GRIP1: variants seen among roughly 807,000 people sequenced by gnomAD.
GRIP1 encodes the protein glutamate receptor interacting protein 1.
A neutral mutation model predicts 129.9 loss-of-function variants in GRIP1; 45 were observed. The observed-to-expected ratio is 0.35, with a 90% CI of 0.27 to 0.44. The LOEUF is 0.44. Ranked by LOEUF, GRIP1 falls within the 20% of genes least tolerant of loss-of-function variation. The pLI is 1.00. For missense variants in GRIP1, 1,196 were observed against 1,396.8 expected, an observed-to-expected ratio of 0.86 and a Z score of 2.29; for synonymous variants, 530 against 520.8, an observed-to-expected ratio of 1.02 and a Z score of -0.24.
intron 2 of GRIP1, among the ~76,000 whole-genome samples, chr12:66,559,886 A>G (rs1190859410): frequency 6.6e-6 from 1 of 152,160 alleles, no homozygotes; most frequent in East Asian, 1.9e-4. Flanking sequence ...GAAAAATAAA[A>G]CTGGATGGAT....
chr12:67,014,868 G>T (rs149633505), intron 1 of GRIP1, among the ~76,000 whole-genome samples: 161 of 152,164 alleles, frequency 1.1e-3, no homozygotes, highest in Middle Eastern at 6.8e-3. Context: ...CAGAAATTAA[G>T]AACTGAGTCA....
intron 1 of GRIP1, among the ~76,000 whole-genome samples, chr12:67,009,174 AC>A: frequency 6.6e-6 from 1 of 152,262 alleles, no homozygotes; most frequent in East Asian, 1.9e-4. Flanking sequence ...GTGTCCCCCA[AC>A]TGAATTAGCT....
At chr12:66,890,932 T>C (rs1204476144) in intron 1 of GRIP1, among the ~76,000 whole-genome samples, 1 of 152,210 alleles carries the variant, frequency 6.6e-6, no homozygotes. Flanking sequence ...GAGGTCTTCC[T>C]CAGAGACTTA....
intron 11 of GRIP1, among the ~76,000 whole-genome samples, chr12:66,448,255 C>A (rs984869413): frequency 6.6e-6 from 1 of 152,038 alleles, no homozygotes; most frequent in East Asian, 1.9e-4. Context: ...ACAGGACCAT[C>A]ATTTTTATTG....
At position 66,785,940 on chromosome 12, in the gene GRIP1, G is replaced by A. The variant is rs533470041; in HGVS notation, c.-420+18113C>T. ...CTACAAAAAAATTTAAAAATTAGCC[G>A]GGCATGGTGGCATGCACCAATAGTC... On this transcript the variant is annotated intron_variant, in intron 1 of 4. Coordinates refer to the GRIP1 transcript ENST00000538373. 4.1e-4 allele frequency among the ~76,000 whole-genome samples: 63 copies of A among 151,984 alleles called. 1 individual carries two copies. The highest frequency in any genetic ancestry group is 1.4e-3 in the African/African-American group (60 of 41,484).
intron 1 of GRIP1, among the ~76,000 whole-genome samples, chr12:66,642,996 G>T (rs923453617): frequency 3.3e-5 from 5 of 152,032 alleles, no homozygotes; most frequent in Admixed American, 1.3e-4. Context: ...ATTTAAATAC[G>T]CAAAACAAAG....
Position 66,414,165 on chromosome 12 carries a change from C to T in GRIP1, c.1838+6555G>A, listed in dbSNP as rs571078928. Among the ~76,000 whole-genome samples, 4 of 151,990 alleles carry T rather than the reference C, an allele frequency of 2.6e-5. No individual in the cohort carries two copies. The East Asian group carries it at 7.8e-4, about 29-fold the overall frequency. On this transcript the variant is annotated intron_variant, in intron 15 of 24. Transcript: ENST00000359742. ...AAGAGAAGAAGTCAAATTGTCTTTG[C>T]AGATGACATGATCCTATATCTAGAA...
intron 1 of GRIP1, among the ~76,000 whole-genome samples, chr12:66,986,439 C>T (rs1364263066): frequency 6.7e-6 from 1 of 150,006 alleles, no homozygotes; most frequent in Admixed American, 6.7e-5. Context: ...AAATGTCCAA[C>T]AATGATAGAC....
At chr12:66,854,655 T>A (rs2039972318) in intron 1 of GRIP1, among the ~76,000 whole-genome samples, 1 of 152,060 alleles carries the variant, frequency 6.6e-6, no homozygotes, top group Non-Finnish European at 1.5e-5. Flanking sequence ...TTGGTAAGTA[T>A]AATAGTAAGA....
intron 2 of GRIP1, among the ~76,000 whole-genome samples, chr12:66,593,184 TGAA>T (rs1224468809): frequency 2.6e-5 from 4 of 152,198 alleles, no homozygotes; most frequent in Admixed American, 2.6e-4. Context: ...CCAAATAACA[TGAA>T]TAATGTATTT....
intron 1 of GRIP1, among the ~76,000 whole-genome samples, chr12:66,769,606 C>T (rs1236505213): frequency 6.6e-6 from 1 of 152,066 alleles, no homozygotes; most frequent in African/African-American, 2.4e-5. Context: ...GAAATTAACT[C>T]AGTCATGGAG....
chr12:66,891,023 T>G (rs145250529), intron 1 of GRIP1, among the ~76,000 whole-genome samples: 108 of 152,346 alleles, frequency 7.1e-4, no homozygotes, highest in African/African-American at 2.4e-3. Context: ...TATTCTAAAA[T>G]TACATAGTGC....
At chr12:66,356,660 C>T (rs1160869066) in intron 23 of GRIP1, among the ~76,000 whole-genome samples, 3 of 152,048 alleles carry the variant, frequency 2.0e-5, no homozygotes, top group African/African-American at 7.2e-5. Flanking sequence ...CTATCCTTCT[C>T]TTCTTCGGGG....
intron 2 of GRIP1, among the ~76,000 whole-genome samples, chr12:66,574,595 ATTTG>A (rs2063075489): frequency 6.6e-6 from 1 of 152,158 alleles, no homozygotes; most frequent in Non-Finnish European, 1.5e-5. Flanking sequence ...TGACATCCTA[ATTTG>A]TTTGACCATT....
intron 1 of GRIP1, among the ~76,000 whole-genome samples, chr12:66,817,202 G>A (rs985282625): frequency 5.1e-5 from 7 of 136,120 alleles, no homozygotes; most frequent in Non-Finnish European, 1.1e-4. Flanking sequence ...TTTTCAGTAT[G>A]CACACACACA....
At chr12:66,728,461 ACC>A (rs2036324446) in intron 1 of GRIP1, among the ~76,000 whole-genome samples, 1 of 152,086 alleles carries the variant, frequency 6.6e-6, no homozygotes. Flanking sequence ...CAGCCATCAC[ACC>A]CGTATTCAGG....
chr12:66,725,136 T>TAAAAAC (rs111926128), intron 1 of GRIP1, among the ~76,000 whole-genome samples: 2 of 151,560 alleles, frequency 1.3e-5, no homozygotes, highest in Non-Finnish European at 2.9e-5. Context: ...TACAACAAAT[T>TAAAAAC]AAAAACAAAA....
At chr12:66,571,804 T>C (rs530088358) in intron 2 of GRIP1, among the ~76,000 whole-genome samples, 1 of 152,322 alleles carries the variant, frequency 6.6e-6, no homozygotes, top group Non-Finnish European at 1.5e-5. Context: ...TAAAGTTTAG[T>C]TACTAGCATG....
chr12:66,685,580 C>T (rs770032068), intron 1 of GRIP1, among the ~76,000 whole-genome samples: 23 of 152,200 alleles, frequency 1.5e-4, no homozygotes, highest in Non-Finnish European at 1.0e-4. Flanking sequence ...CAGGATATAG[C>T]GGTGGTGGGC....
Sources: allele counts gnomAD v4.1 joint callset (sites outside exome capture counted in the v4.1 genomes callset), GRCh38; gene constraint gnomAD v4.1.1; transcripts MANE v1.5; gene names NCBI Gene and HGNC (gene_info 2026-07-23, HGNC 2026-07-21).